CDKN2B-AS1: variants seen among roughly 807,000 people sequenced by gnomAD.
The protein encoded by CDKN2B-AS1 is CDKN2B antisense RNA 1 (non-protein coding).
At chr9:22,095,554 T>C (rs1825244459) in intron 4 of CDKN2B-AS1, among the ~76,000 whole-genome samples, 1 of 151,108 alleles carries the variant, frequency 6.6e-6, no homozygotes, top group Non-Finnish European at 1.5e-5. Context: ...CTGAGAAGAA[T>C]GTATATTCTG....
chr9:22,068,968 C>T (rs111580720), intron 4 of CDKN2B-AS1, among the ~76,000 whole-genome samples: 313 of 152,306 alleles, frequency 2.1e-3, no homozygotes, highest in Non-Finnish European at 3.1e-3. Context: ...GGGACTCGTC[C>T]TTCCTGGCAG....
chr9:22,047,006 T>C (rs1423933678), intron 2 of CDKN2B-AS1: 3 of 152,150 alleles, frequency 2.0e-5, no homozygotes, highest in Non-Finnish European at 2.9e-5. Flanking sequence ...TTCATTTCTT[T>C]GAGCCCTCGT....
chr9:22,102,103 T>A (rs1280438731), intron 4 of CDKN2B-AS1, among the ~76,000 whole-genome samples: 1 of 152,150 alleles, frequency 6.6e-6, no homozygotes, highest in African/African-American at 2.4e-5. Flanking sequence ...AAGATAAAAA[T>A]TTGATAAAAA....
At chr9:22,080,212 C>T (rs916008551) in intron 4 of CDKN2B-AS1, among the ~76,000 whole-genome samples, 5 of 152,200 alleles carry the variant, frequency 3.3e-5, no homozygotes, top group African/African-American at 1.2e-4. Flanking sequence ...ATTGGGTTTT[C>T]CCCAAGCTGT....
intron 4 of CDKN2B-AS1, among the ~76,000 whole-genome samples, chr9:22,125,230 A>G (rs567713305): frequency 2.2e-4 from 34 of 152,238 alleles, no homozygotes; most frequent in Non-Finnish European, 4.6e-4. Context: ...CTGAAGAAGT[A>G]AAAAAAGAAT....
At chr9:22,077,154 T>A (rs886771342) in intron 4 of CDKN2B-AS1, among the ~76,000 whole-genome samples, 4 of 152,156 alleles carry the variant, frequency 2.6e-5, no homozygotes, top group African/African-American at 9.7e-5. Flanking sequence ...ATATTTGACT[T>A]TTAAAAAAAT....
intron 1 of CDKN2B-AS1, among the ~76,000 whole-genome samples, chr9:22,021,224 A>G (rs1347076499): frequency 6.6e-6 from 1 of 152,046 alleles, no homozygotes; most frequent in Non-Finnish European, 1.5e-5. Context: ...GTTCTGTTCC[A>G]TTAGTCTGTG....
At chr9:22,086,735 G>C (rs1255141246) in intron 4 of CDKN2B-AS1, among the ~76,000 whole-genome samples, 1 of 152,094 alleles carries the variant, frequency 6.6e-6, no homozygotes, top group African/African-American at 2.4e-5. Flanking sequence ...TTGAACCCCA[G>C]AGATTATTTA....
At chr9:22,082,142 C>T (rs1343582203) in intron 4 of CDKN2B-AS1, among the ~76,000 whole-genome samples, 1 of 152,184 alleles carries the variant, frequency 6.6e-6, no homozygotes, top group Non-Finnish European at 1.5e-5. Flanking sequence ...TTAATCACTT[C>T]CCTTACAGGC....
At chr9:22,048,822 G>A (rs1447413755) in intron 2 of CDKN2B-AS1, among the ~76,000 whole-genome samples, 5 of 152,204 alleles carry the variant, frequency 3.3e-5, no homozygotes, top group South Asian at 2.1e-4. Flanking sequence ...TGTCATGTTG[G>A]TGGCTGTTTT....
intron 4 of CDKN2B-AS1, chr9:22,097,473 A>ATGTAGG (rs1825323135): frequency 6.6e-6 from 1 of 152,190 alleles, no homozygotes; most frequent in East Asian, 1.9e-4. Flanking sequence ...ATTTTGCCAA[A>ATGTAGG]CCTTTGTGCT....
intron 1 of CDKN2B-AS1, among the ~76,000 whole-genome samples, chr9:22,011,970 T>G (rs1821527897): frequency 6.6e-6 from 1 of 152,112 alleles, no homozygotes; most frequent in South Asian, 2.1e-4. Context: ...GGCATAGAAT[T>G]TTGGAGGTCA....
chr9:22,097,140 G>A (rs965846500), intron 4 of CDKN2B-AS1: 3 of 152,234 alleles, frequency 2.0e-5, no homozygotes, highest in African/African-American at 7.2e-5. Flanking sequence ...TTTCTGCACT[G>A]TGTGCGCGTG....
intron 3 of CDKN2B-AS1, chr9:22,056,247 T>TTTTTTTTTTTC (rs397743274): frequency 9.0e-5 from 12 of 132,700 alleles, no homozygotes; most frequent in Middle Eastern, 4.4e-3. Context: ...TTTTTTTTTT[T>TTTTTTTTTTTC]CCAGTAGAGA....
intron 1 of CDKN2B-AS1, among the ~76,000 whole-genome samples, chr9:22,013,873 C>G (rs1471140831): frequency 6.6e-6 from 1 of 151,826 alleles, no homozygotes; most frequent in Non-Finnish European, 1.5e-5. Context: ...CTGAATGCTT[C>G]TTTATAATGA....
chr9:22,078,098 G>C (rs965888853), intron 4 of CDKN2B-AS1, among the ~76,000 whole-genome samples: 2 of 151,768 alleles, frequency 1.3e-5, no homozygotes, highest in African/African-American at 4.8e-5. Context: ...CCTTTCTATT[G>C]AATGTGTTTT....
chr9:22,019,303 G>C (rs1319859301), intron 1 of CDKN2B-AS1, among the ~76,000 whole-genome samples: 1 of 152,194 alleles, frequency 6.6e-6, no homozygotes, highest in African/African-American at 2.4e-5. Flanking sequence ...TTTGGAGAAT[G>C]GTTTAGGGGA....
chr9:21,999,808 A>G lies in CDKN2B-AS1; in HGVS notation n.29+4647A>G, dbSNP rs1358024393. Among the ~76,000 whole-genome samples, 8 of 152,226 alleles carry G rather than the reference A, an allele frequency of 5.3e-5. No homozygotes were observed. Among genetic ancestry groups the G allele is most frequent in the African/African-American group, 1.9e-4 (8 of 41,470 alleles). On this transcript the variant is annotated intron_variant and non_coding_transcript_variant, in intron 1 of 4. Transcript: ENST00000650946. The surrounding 1 kb of genome is among the most constrained non-coding windows in gnomAD (Gnocchi z 4.7). ...CCATAAACAATAATGAAGCACATCT[A>G]TATGCACTGACAATGGAAGTTGTCA...
intron 4 of CDKN2B-AS1, among the ~76,000 whole-genome samples, chr9:22,070,509 A>G (rs1296668224): frequency 6.6e-6 from 1 of 152,198 alleles, no homozygotes; most frequent in Admixed American, 6.5e-5. Context: ...GGCAATGATC[A>G]GGGAAGATTT....
Sources: gnomAD v4.1 joint callset for allele counts (sites outside exome capture counted in the v4.1 genomes callset) on GRCh38, gnomAD v4.1.1 for gene constraint, Gnocchi (gnomAD v3.1) non-coding constraint, MANE v1.5 for transcripts, NCBI Gene and HGNC (gene_info 2026-07-23, HGNC 2026-07-21) for gene names.